BBOF1: variants seen among roughly 807,000 people sequenced by gnomAD.
BBOF1 encodes the protein basal body orientation factor 1.
Under a neutral mutation model 68.0 loss-of-function variants are expected in BBOF1, and 62 were observed. The observed-to-expected ratio is 0.91, with a 90% CI of 0.74 to 1.13. The LOEUF is 1.13. Ranked by LOEUF, BBOF1 falls within the 50% of genes most tolerant of loss-of-function variation. The pLI is 0.00. For synonymous variants in BBOF1, 208 were observed against 198.8 expected (o/e 1.05, Z -0.39); for missense variants, 534 against 600.1 (o/e 0.89, Z 1.15).
chr14:74,042,159 G>T (rs1397872805), intron 5 of BBOF1, among the ~76,000 whole-genome samples: 1 of 152,226 alleles, frequency 6.6e-6, no homozygotes, highest in East Asian at 1.9e-4. Context: ...ACAGGCATGA[G>T]CTACCATGCC....
At chr14:74,066,937 C>T, downstream of BBOF1, 1 of 1,551,282 alleles carries the variant, frequency 6.4e-7, no homozygotes, top group South Asian at 1.1e-5. Flanking sequence ...TAAATTATGA[C>T]TGCTGCCAGG....
downstream of BBOF1, chr14:74,067,375 AT>A: frequency 1.2e-6 from 2 of 1,612,808 alleles, no homozygotes; most frequent in Admixed American, 1.7e-5. Flanking sequence ...CAGGTGATTG[AT>A]TACCTGCATT....
At position 74,065,213 on chromosome 14, in the gene BBOF1, G is replaced by A. The variant is rs756621510; in HGVS notation, c.*514G>A. On this transcript the variant is annotated 3_prime_UTR_variant, in exon 12 of 12. Coordinates refer to ENST00000394009, the MANE Select transcript of BBOF1 (RefSeq NM_025057.3). ...ACATCCACCAAGTGGGCATATTTCCGAGCAGTGGCTCCATTGGTGGTGAAG... is the reference window on the plus strand; with the variant it reads ...ACATCCACCAAGTGGGCATATTTCCAAGCAGTGGCTCCATTGGTGGTGAAG... 9 of 1,613,938 alleles carry A rather than the reference G, an allele frequency of 5.6e-6. No homozygotes were observed. Among genetic ancestry groups the A allele is most frequent in the South Asian group, 2.2e-5 (2 of 91,060 alleles).
downstream of BBOF1, chr14:74,068,911 C>T: frequency 6.2e-7 from 1 of 1,614,032 alleles, no homozygotes; most frequent in Non-Finnish European, 8.5e-7. Flanking sequence ...CGAAGATATA[C>T]TCTCCTGCCT....
intron 9 of BBOF1, among the ~76,000 whole-genome samples, chr14:74,055,906 G>A (rs2060189072): frequency 1.3e-5 from 2 of 152,148 alleles, no homozygotes; most frequent in Admixed American, 6.6e-5. Context: ...TAAAGGGGGA[G>A]GGGAAAGATT....
chr14:74,036,459 G>A (rs1291288326), intron 4 of BBOF1, among the ~76,000 whole-genome samples: 1 of 152,024 alleles, frequency 6.6e-6, no homozygotes, highest in Non-Finnish European at 1.5e-5. Flanking sequence ...AAGGCAGGTG[G>A]ATCACCTGAG....
Position 74,048,078 on chromosome 14 carries a change from C to T in BBOF1, c.792+4C>T. ...TACTTTACTTTTACATCAAAAGGTT[C>T]CCTCTCATTTAGACTTGGTGTCCTT... On this transcript the variant is annotated splice_donor_region_variant and intron_variant, in intron 7 of 11. Transcript: ENST00000394009. 1 of 1,605,290 alleles carries T rather than the reference C, an allele frequency of 6.2e-7. No individual in the cohort carries two copies.
chr14:74,034,129 A>G lies in BBOF1; in HGVS notation c.453A>G (p.Gln151=), dbSNP rs1308907390. 1.0e-5 allele frequency: 16 copies of G among 1,590,254 alleles called. No homozygotes were observed. Among genetic ancestry groups the G allele is most frequent in the Non-Finnish European group, 1.4e-5 (16 of 1,170,514 alleles). ...MIHTELKAVR[Q]FQKRKIQVER... is the part of the protein sequence containing the mutation. The stretch of plus-strand genomic sequence containing the variant: ...ACACAGAGCTGAAAGCAGTAAGACA[A>G]TTCCAGAAGAGAAAAATCCAAGTGG... Residue 151 remains glutamine (Q), a synonymous_variant, in exon 4 of 12, where the codon CAA becomes CAG. Coordinates refer to ENST00000394009, the MANE Select transcript of BBOF1 (RefSeq NM_025057.3).
chr14:74,061,155 T>A lies in BBOF1; in HGVS notation c.1579-3533T>A, dbSNP rs1399612430. ...ACCACGCCTGGCTAATTTTTGTATT[T>A]TTAGTGGAGATGGGGTTTCACCATG... On this transcript the variant is annotated intron_variant, in intron 11 of 11. Transcript: ENST00000394009. Among the ~76,000 whole-genome samples, 3 of 151,784 alleles carry A rather than the reference T, an allele frequency of 2.0e-5. No individual in the cohort carries two copies. The East Asian group carries it at 5.8e-4, about 29-fold the overall frequency.
intron 6 of BBOF1, 50 bp from the exon 7 acceptor site, chr14:74,047,880 G>A (rs1413823269): frequency 6.6e-7 from 1 of 1,505,510 alleles, no homozygotes; most frequent in Non-Finnish European, 8.9e-7. Flanking sequence ...TTCTATTTTG[G>A]CGATATCTAA....
intron 1 of BBOF1, 61 bp from the exon 2 acceptor site, chr14:74,022,855 C>A: frequency 2.4e-6 from 2 of 838,450 alleles, no homozygotes; most frequent in Non-Finnish European, 3.6e-6. Context: ...GAGTTATATA[C>A]TATCTGCATA....
rs769393869 is a variant in BBOF1 at position 74,065,192 on chromosome 14, C to T, written c.*493C>T. ...TTCTGTTCACGAACCTGTCCAACATCCACCAAGTGGGCATATTTCCGAGCA... is the reference window on the plus strand; with the variant it reads ...TTCTGTTCACGAACCTGTCCAACATTCACCAAGTGGGCATATTTCCGAGCA... On this transcript the variant is annotated 3_prime_UTR_variant, in exon 12 of 12. Coordinates refer to ENST00000394009, the MANE Select transcript of BBOF1 (RefSeq NM_025057.3). 6.2e-7 allele frequency: 1 copy of T among 1,614,144 alleles called. No individual in the cohort carries two copies. The highest frequency in any genetic ancestry group is 8.5e-7 in the Non-Finnish European group (1 of 1,180,016).
At chr14:74,069,614 G>A (rs1185537668), downstream of BBOF1, among the ~76,000 whole-genome samples, 1 of 151,626 alleles carries the variant, frequency 6.6e-6, no homozygotes, top group Admixed American at 6.6e-5. Flanking sequence ...TTAGCCAAAT[G>A]TGGTGGTGGG....
At chr14:74,026,850 A>G (rs1307522351) in intron 2 of BBOF1, among the ~76,000 whole-genome samples, 1 of 151,656 alleles carries the variant, frequency 6.6e-6, no homozygotes, top group African/African-American at 2.4e-5. Context: ...GCTTGAACCC[A>G]GGAGGTGGAG....
intron 9 of BBOF1, among the ~76,000 whole-genome samples, chr14:74,077,552 G>C (rs939056253): frequency 1.3e-5 from 2 of 152,088 alleles, no homozygotes; most frequent in Admixed American, 6.6e-5. Flanking sequence ...GGCAAAACTG[G>C]GGGGGTATCC....
At chr14:74,028,206 A>G (rs2059477985) in intron 2 of BBOF1, among the ~76,000 whole-genome samples, 1 of 151,936 alleles carries the variant, frequency 6.6e-6, no homozygotes, top group African/African-American at 2.4e-5. Context: ...TGTCTCTACA[A>G]AAAATACAAA....
chr14:74,067,272 TG>T, downstream of BBOF1: 1 of 1,282,140 alleles, frequency 7.8e-7, no homozygotes, highest in Non-Finnish European at 1.1e-6. Flanking sequence ...AGAGAGGAAA[TG>T]GCAAGAATAG....
rs1333055787 is a variant in BBOF1, at chr14:74,029,180, A to G, written c.286-4A>G. The G allele has an allele frequency of 6.5e-7, 1 of 1,547,664 alleles. No homozygotes were observed. Among genetic ancestry groups the G allele is most frequent in the African/African-American group, 1.4e-5 (1 of 73,488 alleles). On this transcript the variant is annotated splice_region_variant and splice_polypyrimidine_tract_variant and intron_variant, in intron 2 of 11. Coordinates refer to ENST00000394009, the MANE Select transcript of BBOF1 (RefSeq NM_025057.3). The stretch of plus-strand genomic sequence containing the variant: ...TCATGACCCTGTATTTTGATTTTCA[A>G]CAGATTGAAAAACTGAAACAGCAAT...
intron 3 of BBOF1, chr14:74,031,898 G>A (rs1480850602): frequency 6.6e-6 from 1 of 152,084 alleles, no homozygotes; most frequent in African/African-American, 2.4e-5. Context: ...GAATGTGCCA[G>A]TAAAGAGCTT....
Sources: gnomAD v4.1 joint callset for allele counts (sites outside exome capture counted in the v4.1 genomes callset) on GRCh38, gnomAD v4.1.1 for gene constraint, MANE v1.5 for transcripts, NCBI Gene and HGNC (gene_info 2026-07-23, HGNC 2026-07-21) for gene names.